Variants in PSPC1 observed in about 807,000 individuals in gnomAD.
PSPC1 encodes paraspeckle component 1.
A neutral mutation model predicts 51.6 loss-of-function variants in PSPC1; 14 were observed. The observed-to-expected ratio is 0.27, with a 90% CI of 0.18 to 0.42. PSPC1 has a LOEUF of 0.42. Among genes scored for constraint, PSPC1 ranks in the 10% least tolerant of loss-of-function variants. The pLI is 1.00. For synonymous variants in PSPC1, 193 were observed against 231.9 expected, an observed-to-expected ratio of 0.83 and a Z score of 1.53; for missense variants, 406 against 701.1, an observed-to-expected ratio of 0.58 and a Z score of 4.75.
chr13:19,681,166 G>A (rs933073175), intron 6 of PSPC1, among the ~76,000 whole-genome samples: 4 of 152,096 alleles, frequency 2.6e-5, no homozygotes, highest in African/African-American at 7.2e-5. Flanking sequence ...AGTGAGCTAT[G>A]ATCAAGCCAC....
intron 2 of PSPC1, among the ~76,000 whole-genome samples, chr13:19,762,888 G>A (rs781183780): frequency 4.6e-5 from 7 of 152,072 alleles, no homozygotes; most frequent in Non-Finnish European, 8.8e-5. Context: ...AAGGCAGGTG[G>A]ATCACTCAGG....
Position 19,772,517 on chromosome 13 carries a change from T to C in PSPC1, c.399A>G (p.Ala133=), listed in dbSNP as rs1298586234. The C allele has an allele frequency of 3.1e-6, 5 of 1,605,042 alleles. No individual in the cohort carries two copies. The South Asian group carries it at 5.5e-5, about 18-fold the overall frequency. ...GAATGGTGCCGTCCAGCTCTGCTTT[T>C]GCAATTTCAGCCAGGGTTCTGGATT... ...RLESRTLAEI[A]KAELDGTILK... is the part of the protein sequence containing the mutation. The change falls in exon 2 of 9, where the codon GCA becomes GCG. Residue 133 remains alanine, a synonymous_variant. Coordinates refer to ENST00000338910, the MANE Select transcript of PSPC1 (RefSeq NM_001354909.2).
At chr13:19,720,830 C>T (rs73166978) in intron 6 of PSPC1, among the ~76,000 whole-genome samples, 3,257 of 152,034 alleles carry the variant, frequency 0.021, 38 homozygotes, top group Middle Eastern at 0.075. Flanking sequence ...ACAAACTTAC[C>T]CATAAACTTT....
At chr13:19,737,329 T>C (rs1884950253) in intron 5 of PSPC1, 1 of 152,202 alleles carries the variant, frequency 6.6e-6, no homozygotes, top group Non-Finnish European at 1.5e-5. Context: ...TTCTCCTTAG[T>C]CTCCAACAGT....
downstream of PSPC1, among the ~76,000 whole-genome samples, chr13:19,699,769 G>A (rs996582440): frequency 6.6e-6 from 1 of 151,934 alleles, no homozygotes; most frequent in Non-Finnish European, 1.5e-5. Context: ...AGGAAAACAT[G>A]AATAACTGTT....
chr13:19,744,521 G>GA lies in PSPC1; in HGVS notation c.968-2873dup, dbSNP rs1196644063. Among the ~76,000 whole-genome samples, 6 of 152,000 alleles carry GA rather than the reference G, an allele frequency of 3.9e-5. No individual in the cohort carries two copies. In the East Asian group the frequency reaches 7.7e-4, roughly 20 times the overall value. On this transcript the variant is annotated intron_variant, in intron 4 of 8. Transcript: ENST00000338910. ...CTGCCATGATAATATCTTTCTAGGG[G>GA]AAAAAACTGTAAAAAGTACATAACT...
intron 2 of PSPC1, among the ~76,000 whole-genome samples, chr13:19,771,809 T>G (rs1888653808): frequency 6.6e-6 from 1 of 151,936 alleles, no homozygotes; most frequent in Admixed American, 6.6e-5. Flanking sequence ...TTAGTAGAGA[T>G]GGGGTTTCAT....
At chr13:19,775,003 C>CT (rs1888968664) in intron 1 of PSPC1, among the ~76,000 whole-genome samples, 1 of 151,734 alleles carries the variant, frequency 6.6e-6, no homozygotes, top group South Asian at 2.1e-4. Flanking sequence ...AGCAAGACCT[C>CT]TTCTTTATTC....
At chr13:19,767,330 G>T (rs552449310) in intron 2 of PSPC1, among the ~76,000 whole-genome samples, 34 of 152,020 alleles carry the variant, frequency 2.2e-4, no homozygotes, top group African/African-American at 8.2e-4. Flanking sequence ...CTTAATAGTC[G>T]AAAGTAAGTT....
intron 6 of PSPC1, among the ~76,000 whole-genome samples, chr13:19,729,155 A>C (rs1194824971): frequency 6.6e-6 from 1 of 152,170 alleles, no homozygotes; most frequent in Non-Finnish European, 1.5e-5. Flanking sequence ...TATGCGATAC[A>C]TACTTTAAGT....
intron 6 of PSPC1, among the ~76,000 whole-genome samples, chr13:19,687,515 G>A (rs562827877): frequency 2.6e-5 from 4 of 152,180 alleles, no homozygotes; most frequent in African/African-American, 9.6e-5. Flanking sequence ...TCTTTTCCCC[G>A]AGCATCAGGA....
chr13:19,767,848 C>A (rs1888217463), intron 2 of PSPC1, among the ~76,000 whole-genome samples: 1 of 151,962 alleles, frequency 6.6e-6, no homozygotes, highest in African/African-American at 2.4e-5. Context: ...AAAGAACAAA[C>A]CATACAAGAA....
chr13:19,725,691 C>A (rs755801596), intron 6 of PSPC1, among the ~76,000 whole-genome samples: 5 of 152,190 alleles, frequency 3.3e-5, no homozygotes, highest in African/African-American at 1.2e-4. Flanking sequence ...AGTCTGTCAA[C>A]CCCTCGACTG....
intron 6 of PSPC1, among the ~76,000 whole-genome samples, chr13:19,726,122 T>C (rs1449160111): frequency 1.3e-5 from 2 of 152,162 alleles, no homozygotes; most frequent in Admixed American, 6.5e-5. Flanking sequence ...CACTTGTCAA[T>C]AGCCACTGCA....
chr13:19,781,584 T>C, intron 1 of PSPC1, among the ~76,000 whole-genome samples: 1 of 152,092 alleles, frequency 6.6e-6, no homozygotes, highest in Non-Finnish European at 1.5e-5. Flanking sequence ...ATTAGATACA[T>C]ACAATTAAAC....
chr13:19,769,169 G>A (rs1288495292), intron 2 of PSPC1, among the ~76,000 whole-genome samples: 3 of 150,622 alleles, frequency 2.0e-5, no homozygotes, highest in African/African-American at 7.4e-5. Flanking sequence ...ATTAATAATA[G>A]GCTGGGCGCG....
At chr13:19,703,469 G>A (rs1437507111) in intron 8 of PSPC1, 109 bp from the exon 9 acceptor site, 20 of 1,147,246 alleles carry the variant, frequency 1.7e-5, no homozygotes, top group East Asian at 7.5e-5. Flanking sequence ...CATGAAGTTC[G>A]GCAGAAAGTC....
At chr13:19,677,988 T>G (rs1172457276) in intron 6 of PSPC1, 1 of 333,174 alleles carries the variant, frequency 3.0e-6, no homozygotes, top group Non-Finnish European at 5.9e-6. Flanking sequence ...GATTTTCTTT[T>G]TAATTCAAAA....
At chr13:19,742,841 G>C (rs1340700208) in intron 4 of PSPC1, among the ~76,000 whole-genome samples, 4 of 152,088 alleles carry the variant, frequency 2.6e-5, no homozygotes, top group Non-Finnish European at 5.9e-5. Context: ...AGACCAAACA[G>C]GAATCATGAC....
Sources: allele counts gnomAD v4.1 joint callset (sites outside exome capture counted in the v4.1 genomes callset), GRCh38; gene constraint gnomAD v4.1.1; transcripts MANE v1.5; gene names NCBI Gene and HGNC (gene_info 2026-07-23, HGNC 2026-07-21).